The following EFHC2 variants were observed in gnomAD, a reference collection of about 807,000 sequenced individuals.
EFHC2 encodes the protein EF-hand domain-containing family member C2.
EFHC2 carries 18 observed loss-of-function variants against 52.7 expected under a neutral mutation model. The ratio of observed to expected loss-of-function variants is 0.34; its 90% CI spans 0.24 to 0.51. The LOEUF is 0.51. Ranked by LOEUF, EFHC2 falls within the 20% of genes least tolerant of loss-of-function variation. The pLI, the probability that EFHC2 is intolerant of heterozygous loss-of-function variation, is 0.97. For synonymous variants in EFHC2, 203 were observed against 204.1 expected (o/e 0.99, Z 0.04); for missense variants, 513 against 562.5 (o/e 0.91, Z 0.89).
chrX:44,298,016 CAAG>C (rs1222470309), intron 2 of EFHC2, among the ~76,000 whole-genome samples: 1 of 98,630 alleles, frequency 1.0e-5, no homozygotes, highest in Non-Finnish European at 2.1e-5. Context: ...AGGGAAGGGA[CAAG>C]AAGGTTGAGA....
chrX:44,266,654 T>C (rs1227625978), intron 3 of EFHC2, among the ~76,000 whole-genome samples: 1 of 111,562 alleles, frequency 9.0e-6, no homozygotes, highest in Non-Finnish European at 1.9e-5. Context: ...AGTATAACTA[T>C]GTCCTATGCA....
intron 1 of EFHC2, among the ~76,000 whole-genome samples, chrX:44,321,333 C>G (rs1569308398): frequency 9.0e-6 from 1 of 110,758 alleles, no homozygotes; most frequent in Non-Finnish European, 1.9e-5. Flanking sequence ...ATGTTACATT[C>G]AAGATACCAC....
intron 2 of EFHC2, among the ~76,000 whole-genome samples, chrX:44,276,375 G>A (rs5953378): frequency 0.15 from 16,554 of 111,071 alleles, 1,234 homozygotes; most frequent in African/African-American, 0.26. Flanking sequence ...GCTGCACTGG[G>A]CTATGATCAT....
At chrX:44,209,062 T>C (rs919902004) in intron 11 of EFHC2, among the ~76,000 whole-genome samples, 1,140 of 89,972 alleles carry the variant, frequency 0.013, 23 homozygotes, top group African/African-American at 0.055. Context: ...TGTGTGTGTG[T>C]GTGTGTGTGT....
At chrX:44,159,220 T>C (rs981624990) in intron 14 of EFHC2, among the ~76,000 whole-genome samples, 11 of 111,719 alleles carry the variant, frequency 9.8e-5, no homozygotes, top group African/African-American at 2.6e-4. Flanking sequence ...CAAAAAAACA[T>C]CCTGCACATT....
intron 1 of EFHC2, among the ~76,000 whole-genome samples, chrX:44,323,575 T>A (rs1292033943): frequency 1.0e-5 from 1 of 97,159 alleles, no homozygotes; most frequent in East Asian, 3.4e-4. Flanking sequence ...TAGTGGGACA[T>A]GAACTTTGAA....
intron 14 of EFHC2, among the ~76,000 whole-genome samples, chrX:44,162,522 C>A (rs1323009628): frequency 1.8e-5 from 2 of 111,164 alleles, no homozygotes; most frequent in Non-Finnish European, 3.8e-5. Context: ...CCAGACCTCG[C>A]AGGACAATAT....
At chrX:44,183,239 G>A (rs1006632611) in intron 11 of EFHC2, among the ~76,000 whole-genome samples, 1 of 111,641 alleles carries the variant, frequency 9.0e-6, no homozygotes, top group East Asian at 2.8e-4. Flanking sequence ...CAGTTTTGGC[G>A]ACAATTAGGT....
chrX:44,318,407 G>A (rs1262151242), intron 1 of EFHC2, among the ~76,000 whole-genome samples: 3 of 112,133 alleles, frequency 2.7e-5, no homozygotes, highest in South Asian at 7.4e-4. Flanking sequence ...TGCTTACCGG[G>A]TACAGGTTTC....
chrX:44,286,350 T>C (rs2037748167), intron 2 of EFHC2: 1 of 112,644 alleles, frequency 8.9e-6, no homozygotes, highest in Non-Finnish European at 1.9e-5. Context: ...GTCAAGGATG[T>C]GTTTGAAGAA....
chrX:44,177,381 G>A (rs945390210), intron 12 of EFHC2, among the ~76,000 whole-genome samples: 1 of 112,408 alleles, frequency 8.9e-6, no homozygotes, highest in Non-Finnish European at 1.9e-5. Flanking sequence ...TGGCCACTTG[G>A]GTTCAGACTT....
At chrX:44,168,522 A>G (rs1433525052) in intron 13 of EFHC2, among the ~76,000 whole-genome samples, 1 of 102,855 alleles carries the variant, frequency 9.7e-6, no homozygotes, top group Admixed American at 1.1e-4. Flanking sequence ...ACAGAGCGAG[A>G]CTCCGTCTCA....
intron 2 of EFHC2, among the ~76,000 whole-genome samples, chrX:44,282,058 C>A (rs1010375215): frequency 9.1e-6 from 1 of 110,172 alleles, no homozygotes; most frequent in Admixed American, 9.7e-5. Context: ...TTTCCCCGCA[C>A]GTAGTCCAAA....
chrX:44,321,791 G>A (rs1425729183), intron 1 of EFHC2, among the ~76,000 whole-genome samples: 3 of 112,084 alleles, frequency 2.7e-5, no homozygotes, highest in African/African-American at 9.7e-5. Flanking sequence ...CATGGGGACA[G>A]AAATAGCTTG....
At chrX:44,203,196 T>C (rs2147296955) in intron 11 of EFHC2, among the ~76,000 whole-genome samples, 1 of 111,523 alleles carries the variant, frequency 9.0e-6, no homozygotes, top group African/African-American at 3.3e-5. Flanking sequence ...CTACCCCTGC[T>C]GAAAGTGAGC....
intron 2 of EFHC2, among the ~76,000 whole-genome samples, chrX:44,294,456 A>G (rs1456849051): frequency 9.0e-6 from 1 of 111,398 alleles, no homozygotes; most frequent in African/African-American, 3.3e-5. Context: ...AATTTGTTCT[A>G]TAATTCTAGT....
At chrX:44,335,202 T>TA (rs753592632) in intron 1 of EFHC2, among the ~76,000 whole-genome samples, 2,989 of 102,281 alleles carry the variant, frequency 0.029, 104 homozygotes, top group African/African-American at 0.098. Context: ...TTTTAAAAAT[T>TA]AAAAAAAAAA....
chrX:44,168,523 C>G (rs1387694372), intron 13 of EFHC2, among the ~76,000 whole-genome samples: 1 of 104,775 alleles, frequency 9.5e-6, no homozygotes, highest in Non-Finnish European at 1.9e-5. Context: ...CAGAGCGAGA[C>G]TCCGTCTCAA....
rs1413024031 is a variant in EFHC2 at position 44,148,066 on chromosome X, T to C, written c.*729A>G. The C allele has an allele frequency of 9.0e-6, 1 of 110,865 alleles. No homozygotes were observed. Among genetic ancestry groups the C allele is most frequent in the Non-Finnish European group, 1.9e-5 (1 of 52,922 alleles). 9.1% of individuals were successfully genotyped at this position (110,865 alleles called of 1,213,427 possible). A position where few individuals can be genotyped will look rare whatever the true frequency, so the allele number is the denominator to read the frequency against. ...CAAAAAAAAAACAAAAATCTCAAAA[T>C]CTTCAGCTTTCACATTTGTAAATAT... On this transcript the variant is annotated 3_prime_UTR_variant, in exon 15 of 15. Coordinates refer to ENST00000420999, the MANE Select transcript of EFHC2 (RefSeq NM_025184.4).
Sources: allele counts gnomAD v4.1 joint callset (sites outside exome capture counted in the v4.1 genomes callset), GRCh38; gene constraint gnomAD v4.1.1; transcripts MANE v1.5; gene names NCBI Gene and HGNC (gene_info 2026-07-23, HGNC 2026-07-21).